ARAP2: variants seen among roughly 807,000 people sequenced by gnomAD.
ARAP2 encodes the protein arf-GAP with Rho-GAP domain, ANK repeat and PH domain-containing protein 2.
ARAP2 carries 148 observed loss-of-function variants against 194.5 expected under a neutral mutation model. The observed-to-expected ratio is 0.76, with a 90% confidence interval of 0.67 to 0.87. The LOEUF is 0.87. Among genes scored for constraint, ARAP2 ranks in the 40% least tolerant of loss-of-function variants. The pLI, the probability that ARAP2 is intolerant of heterozygous loss-of-function variation, is 0.00. For synonymous variants in ARAP2, 695 were observed against 683.5 expected, an observed-to-expected ratio of 1.02 and a Z score of -0.26; for missense variants, 2,128 against 1,989.7, an observed-to-expected ratio of 1.07 and a Z score of -1.32.
chr4:36,051,954 AATGCACATAGTATTTTTTAT>A (rs1722739953), intron 3 of ARAP2: 1 of 152,230 alleles, frequency 6.6e-6, no homozygotes, highest in Non-Finnish European at 1.5e-5. Context: ...AAAATAAAAA[AATGCACATAGTATTTTTTAT>A]ATGCTCTTCT....
intron 2 of ARAP2, among the ~76,000 whole-genome samples, chr4:36,057,759 GTTAATA>G (rs1723761954): frequency 1.3e-5 from 2 of 151,542 alleles, no homozygotes; most frequent in African/African-American, 4.8e-5. Context: ...CTATTTTCTT[GTTAATA>G]TTAATATCAA....
intron 24 of ARAP2, among the ~76,000 whole-genome samples, chr4:36,118,384 C>T (rs998328711): frequency 1.4e-5 from 2 of 146,588 alleles, no homozygotes; most frequent in South Asian, 2.2e-4. Context: ...AGGGGTAAGA[C>T]AAAGAGACTG....
chr4:36,218,601 C>T (rs1415387000), intron 2 of ARAP2, among the ~76,000 whole-genome samples: 1 of 152,040 alleles, frequency 6.6e-6, no homozygotes, highest in African/African-American at 2.4e-5. Flanking sequence ...CAATTCAAGA[C>T]AGATTATAAA....
At chr4:36,192,177 T>G (rs1005528044) in intron 7 of ARAP2, among the ~76,000 whole-genome samples, 15 of 148,996 alleles carry the variant, frequency 1.0e-4, no homozygotes, top group East Asian at 4.0e-4. Flanking sequence ...TGTTTTTTTT[T>G]TTTTTTTTTT....
At chr4:36,092,888 G>A (rs1714104000) in intron 27 of ARAP2, among the ~76,000 whole-genome samples, 1 of 152,006 alleles carries the variant, frequency 6.6e-6, no homozygotes, top group Non-Finnish European at 1.5e-5. Context: ...AATTTTTAAG[G>A]CATTAAAGAA....
At chr4:36,050,427 C>T (rs938901515) in intron 3 of ARAP2, among the ~76,000 whole-genome samples, 2 of 152,036 alleles carry the variant, frequency 1.3e-5, no homozygotes, top group Non-Finnish European at 2.9e-5. Context: ...AACTAAAGCA[C>T]AAAAACCTAG....
chr4:36,224,330 C>T (rs1304373939), intron 2 of ARAP2, among the ~76,000 whole-genome samples: 1 of 150,976 alleles, frequency 6.6e-6, no homozygotes, highest in African/African-American at 2.4e-5. Context: ...CATTAGGCAG[C>T]AGTTTAACAC....
At position 36,147,614 on chromosome 4, in the gene ARAP2, G is replaced by A. The variant is rs759422787; in HGVS notation, c.3133C>T (p.His1045Tyr). The change falls in exon 18 of 33, where the codon CAT becomes TAT. Residue 1045 changes from histidine to tyrosine, a missense_variant. His to Tyr is a moderately conservative substitution (Grantham distance 83). Transcript: ENST00000303965. ...ACTTCTTGCATTTGAAGGCAAAAAT[G>A]CAAGCTGGATTTGTCCATAGCAAAC... is the stretch of plus-strand genomic sequence containing the variant. The part of the protein sequence containing the change: ...GWFAMDKSSL[H>Y]FCLQMQEVQG... The A allele has an allele frequency of 1.2e-6, 2 of 1,613,590 alleles. No homozygotes were observed. The highest frequency in any genetic ancestry group is 2.2e-5 in the South Asian group (2 of 91,038).
intron 5 of ARAP2, among the ~76,000 whole-genome samples, chr4:36,211,428 C>T (rs1430927812): frequency 6.6e-6 from 1 of 152,126 alleles, no homozygotes; most frequent in Non-Finnish European, 1.5e-5. Flanking sequence ...AATAGATCAA[C>T]TCATTCATTA....
intron 2 of ARAP2, among the ~76,000 whole-genome samples, chr4:36,224,686 A>T (rs1749895791): frequency 1.3e-5 from 2 of 152,174 alleles, no homozygotes; most frequent in Non-Finnish European, 2.9e-5. Context: ...TCTAACAATA[A>T]ATCTAACTTC....
Position 36,147,752 on chromosome 4 carries a change from A to T in ARAP2, c.3001-6T>A. 1 of 1,595,422 alleles carries T rather than the reference A, an allele frequency of 6.3e-7. No individual in the cohort carries two copies. The highest frequency in any genetic ancestry group is 8.5e-7 in the Non-Finnish European group (1 of 1,172,420). On this transcript the variant is annotated splice_region_variant and splice_polypyrimidine_tract_variant and intron_variant, in intron 17 of 32. Transcript: ENST00000303965. ...GCAAATAAGGGAACAAAATGCTGTT[A>T]AAACAAATACAAAAAAGTAATAAAG... is the stretch of plus-strand genomic sequence containing the variant.
chr4:36,156,874 A>T lies in ARAP2; in HGVS notation c.2752+1856T>A, dbSNP rs1249107712. ...TGTTTTAAAATGGAAAAATATCCCT[A>T]GTTAAATTACATATACAGATAACGC... On this transcript the variant is annotated intron_variant, in intron 15 of 32. Coordinates refer to ENST00000303965, the MANE Select transcript of ARAP2 (RefSeq NM_015230.4). 2.0e-5 allele frequency among the ~76,000 whole-genome samples: 3 copies of T among 152,332 alleles called. No homozygotes were observed. The East Asian group carries it at 5.8e-4, about 29-fold the overall frequency.
At chr4:36,142,859 A>T (rs1308880820) in intron 19 of ARAP2, among the ~76,000 whole-genome samples, 2 of 151,618 alleles carry the variant, frequency 1.3e-5, no homozygotes, top group Non-Finnish European at 3.0e-5. Flanking sequence ...CAACTCCAAA[A>T]TCTGTATCTC....
chr4:36,059,476 C>G (rs897272411), intron 1 of ARAP2, among the ~76,000 whole-genome samples: 2 of 152,036 alleles, frequency 1.3e-5, no homozygotes, highest in Admixed American at 6.6e-5. Context: ...GCACCTGAGT[C>G]CCGGACAAGG....
chr4:36,241,590 C>T (rs1021938800), intron 1 of ARAP2, among the ~76,000 whole-genome samples: 3 of 152,032 alleles, frequency 2.0e-5, no homozygotes, highest in Admixed American at 2.0e-4. Flanking sequence ...TGAGACATGA[C>T]TATAAGAAAA....
rs757693839 is a variant in ARAP2 at position 36,124,891 on chromosome 4, T to G, written c.3717A>C (p.Thr1239=). The change falls in exon 22 of 33, where the codon ACA becomes ACC. Residue 1239 remains threonine (T), a synonymous_variant. Transcript: ENST00000303965. ...ACAGGTGTTCAATGATAGCTGCTAGTGTTGCTCGGTTGACCCCTGGAAGAG... is the reference window on the plus strand; with the variant it reads ...ACAGGTGTTCAATGATAGCTGCTAGGGTTGCTCGGTTGACCCCTGGAAGAG... ...IRSLPGVNRA[T]LAAIIEHLYR... 5.0e-6 allele frequency: 8 copies of G among 1,610,974 alleles called. No homozygotes were observed. In the Admixed American group the frequency reaches 1.3e-4, roughly 27 times the overall value.
Position 36,244,476 on chromosome 4 carries a change from T to G in ARAP2, c.-457A>C, listed in dbSNP as rs1754278545. 6.6e-6 allele frequency: 1 copy of G among 150,394 alleles called. No individual in the cohort carries two copies. The highest frequency in any genetic ancestry group is 6.6e-5 in the Admixed American group (1 of 15,148). The allele number at this position is 150,394 out of a possible 1,614,324, so 9.3% of individuals were successfully genotyped here. A position where few individuals can be genotyped will look rare whatever the true frequency, so the allele number is the denominator to read the frequency against. On this transcript the variant is annotated 5_prime_UTR_variant, in exon 1 of 33. Coordinates refer to ENST00000303965, the MANE Select transcript of ARAP2 (RefSeq NM_015230.4). ...GCCGAGCCCGGCGCCCGCGCCTTGCTCAGGTGCTCCCGCGCCTCGCCTCGG... is the reference window on the plus strand; with the variant it reads ...GCCGAGCCCGGCGCCCGCGCCTTGCGCAGGTGCTCCCGCGCCTCGCCTCGG...
chr4:36,038,095 A>AT (rs1338381880), intron 5 of ARAP2, among the ~76,000 whole-genome samples: 1 of 152,206 alleles, frequency 6.6e-6, no homozygotes, highest in African/African-American at 2.4e-5. Flanking sequence ...AGTGAATAAC[A>AT]TTAGGCCTTT....
chr4:36,115,587 A>G (rs898787102), intron 25 of ARAP2, among the ~76,000 whole-genome samples: 2 of 151,906 alleles, frequency 1.3e-5, no homozygotes, highest in Middle Eastern at 3.2e-3. Flanking sequence ...GGAAATTATT[A>G]CTCTACAGAA....
Sources: allele counts gnomAD v4.1 joint callset (sites outside exome capture counted in the v4.1 genomes callset), GRCh38; gene constraint gnomAD v4.1.1; transcripts MANE v1.5; gene names NCBI Gene and HGNC (gene_info 2026-07-23, HGNC 2026-07-21).